ATXN1: variants seen among roughly 807,000 people sequenced by gnomAD.
The protein encoded by ATXN1 is ataxin-1.
Under a neutral mutation model 56.4 loss-of-function variants are expected in ATXN1, and 8 were observed. The observed-to-expected ratio is 0.14, with a 90% CI of 0.08 to 0.26. The LOEUF (loss-of-function observed/expected upper bound fraction) is 0.26, where lower values mean the gene tolerates loss of function less well. Among genes scored for constraint, ATXN1 ranks in the 10% least tolerant of loss-of-function variants. The pLI is 1.00. For synonymous variants in ATXN1, 514 were observed against 494.6 expected, an observed-to-expected ratio of 1.04 and a Z score of -0.52; for missense variants, 987 against 1,106.5, an observed-to-expected ratio of 0.89 and a Z score of 1.53.
At chr6:16,679,650 G>A (rs1303805202) in intron 2 of ATXN1, among the ~76,000 whole-genome samples, 1 of 152,194 alleles carries the variant, frequency 6.6e-6, no homozygotes, top group African/African-American at 2.4e-5. Context: ...ACACTGAAGT[G>A]TGATAACTAT....
intron 4 of ATXN1, among the ~76,000 whole-genome samples, chr6:16,543,509 A>T (rs953804293): frequency 4.6e-5 from 7 of 152,160 alleles, no homozygotes; most frequent in African/African-American, 1.7e-4. Flanking sequence ...AAGAGAAAAA[A>T]GAATGATCAA....
intron 6 of ATXN1, among the ~76,000 whole-genome samples, chr6:16,416,225 A>G (rs897967006): frequency 2.0e-5 from 3 of 152,202 alleles, no homozygotes; most frequent in Non-Finnish European, 1.5e-5. Flanking sequence ...TCAATAATTT[A>G]TATGGCTATG....
intron 6 of ATXN1, among the ~76,000 whole-genome samples, chr6:16,472,099 G>A (rs1760231280): frequency 6.6e-6 from 1 of 152,202 alleles, no homozygotes. Flanking sequence ...ACAAAGTGCA[G>A]ATGAGTAAGA....
chr6:16,444,266 A>G (rs1759589482), intron 6 of ATXN1, among the ~76,000 whole-genome samples: 1 of 152,224 alleles, frequency 6.6e-6, no homozygotes, highest in African/African-American at 2.4e-5. Context: ...TGGTCTCCAA[A>G]TATCATTTCT....
chr6:16,348,218 C>T (rs1561862278), intron 6 of ATXN1, among the ~76,000 whole-genome samples: 1 of 152,168 alleles, frequency 6.6e-6, no homozygotes, highest in Non-Finnish European at 1.5e-5. Flanking sequence ...CTTGTGCCGC[C>T]ACATCTAGCT....
rs374684809 is a variant in ATXN1 at position 16,392,827 on chromosome 6, C to G, written c.-160-64357G>C. 1.8e-4 allele frequency among the ~76,000 whole-genome samples: 27 copies of G among 152,256 alleles called. No individual in the cohort carries two copies. In the South Asian group the frequency reaches 5.6e-3, roughly 32 times the overall value. ...ATTCTTTATCTCTAAACTCACAAGA[C>G]AGTGGTTCTCAAAGTGAGTCACCCA... On this transcript the variant is annotated intron_variant, in intron 6 of 7. Coordinates refer to ENST00000436367, the MANE Select transcript of ATXN1 (RefSeq NM_001128164.2).
At position 16,302,737 on chromosome 6, in the gene ATXN1, T is replaced by A. The variant is rs1760141470; in HGVS notation, c.*3592A>T. 1 of 152,664 alleles carries A rather than the reference T, an allele frequency of 6.6e-6. No individual in the cohort carries two copies. The highest frequency in any genetic ancestry group is 2.4e-5 in the African/African-American group (1 of 41,456). The allele number at this position is 152,664 out of a possible 1,614,324, so 9.5% of individuals were successfully genotyped here. A position where few individuals can be genotyped will look rare whatever the true frequency, so the allele number is the denominator to read the frequency against. On this transcript the variant is annotated 3_prime_UTR_variant, in exon 8 of 8. Coordinates refer to ENST00000436367, the MANE Select transcript of ATXN1 (RefSeq NM_001128164.2). ...TGTTCCATTGTAAACGCAAAAGGCC[T>A]GCTGTTACTAGTTTAAAAATGGAAA... is the stretch of plus-strand genomic sequence containing the variant.
At chr6:16,452,909 C>A (rs941554676) in intron 6 of ATXN1, among the ~76,000 whole-genome samples, 4 of 152,184 alleles carry the variant, frequency 2.6e-5, no homozygotes, top group Non-Finnish European at 5.9e-5. Flanking sequence ...TTAGCGTAAA[C>A]CTACTTTAGC....
chr6:16,669,286 A>C (rs1758491252), intron 2 of ATXN1, among the ~76,000 whole-genome samples: 1 of 152,158 alleles, frequency 6.6e-6, no homozygotes, highest in South Asian at 2.1e-4. Context: ...GTGCATTTCC[A>C]TTTGTAAGCT....
intron 6 of ATXN1, among the ~76,000 whole-genome samples, chr6:16,347,451 T>TA (rs1332734990): frequency 1.3e-5 from 2 of 151,876 alleles, no homozygotes; most frequent in Non-Finnish European, 2.9e-5. Flanking sequence ...CCACACTCTG[T>TA]AACTAGCTAC....
At chr6:16,501,687 G>A (rs1193184415) in intron 5 of ATXN1, among the ~76,000 whole-genome samples, 1 of 152,134 alleles carries the variant, frequency 6.6e-6, no homozygotes, top group Admixed American at 6.5e-5. Flanking sequence ...ATTCCATGGT[G>A]TATATTTACC....
At chr6:16,359,674 C>A (rs766455669) in intron 6 of ATXN1, among the ~76,000 whole-genome samples, 1 of 152,146 alleles carries the variant, frequency 6.6e-6, no homozygotes, top group Non-Finnish European at 1.5e-5. Context: ...CCCACTCCTC[C>A]GAGTTGTTCT....
chr6:16,380,128 A>G (rs1762221563), intron 6 of ATXN1, among the ~76,000 whole-genome samples: 1 of 152,176 alleles, frequency 6.6e-6, no homozygotes, highest in Non-Finnish European at 1.5e-5. Context: ...GGCTTGTGAC[A>G]TCTGTAATCT....
intron 6 of ATXN1, among the ~76,000 whole-genome samples, chr6:16,386,553 C>T (rs184109607): frequency 6.6e-5 from 10 of 152,204 alleles, no homozygotes; most frequent in Admixed American, 3.9e-4. Flanking sequence ...ATGTGGATAT[C>T]GTGTGCCTCT....
intron 6 of ATXN1, among the ~76,000 whole-genome samples, chr6:16,484,432 T>A (rs930693113): frequency 6.6e-6 from 1 of 152,052 alleles, no homozygotes; most frequent in African/African-American, 2.4e-5. Flanking sequence ...AGGCACCACC[T>A]CAATTAAAAA....
intron 4 of ATXN1, among the ~76,000 whole-genome samples, chr6:16,549,696 G>A (rs891744270): frequency 2.6e-5 from 4 of 152,030 alleles, no homozygotes; most frequent in East Asian, 1.9e-4. Context: ...CTGGGAGTTC[G>A]AGACCAGCCT....
intron 4 of ATXN1, among the ~76,000 whole-genome samples, chr6:16,558,851 C>T (rs535433928): frequency 3.2e-4 from 48 of 151,446 alleles, no homozygotes; most frequent in African/African-American, 1.0e-3. Flanking sequence ...AAAAGACAAA[C>T]GGAAAAATTT....
At chr6:16,729,262 C>A (rs1023642638) in intron 2 of ATXN1, among the ~76,000 whole-genome samples, 1 of 152,142 alleles carries the variant, frequency 6.6e-6, no homozygotes, top group African/African-American at 2.4e-5. Context: ...TGCAAAGTAG[C>A]CAAAGGCAGA....
At chr6:16,759,530 GTTTTTTTTTTTTTTT>G (rs1046854905) in intron 1 of ATXN1, among the ~76,000 whole-genome samples, 2 of 45,926 alleles carry the variant, frequency 4.4e-5, no homozygotes, top group Non-Finnish European at 8.6e-5. Flanking sequence ...TCTTCCGACT[GTTTTTTTTTTTTTTT>G]TTTTTTTTTT....
Sources: allele counts gnomAD v4.1 joint callset (sites outside exome capture counted in the v4.1 genomes callset), GRCh38; gene constraint gnomAD v4.1.1; transcripts MANE v1.5; gene names NCBI Gene and HGNC (gene_info 2026-07-23, HGNC 2026-07-21).